HEATR3: variants seen among roughly 807,000 people sequenced by gnomAD.
HEATR3 encodes HEAT repeat-containing protein 3.
HEATR3 carries 56 observed loss-of-function variants against 72.8 expected under a neutral mutation model. The observed-to-expected ratio is 0.77, with a 90% CI of 0.62 to 0.96. The LOEUF is 0.96. Ranked by LOEUF, HEATR3 falls within the 40% of genes least tolerant of loss-of-function variation. The pLI, the probability that HEATR3 is intolerant of heterozygous loss-of-function variation, is 0.00. For missense variants in HEATR3, 747 were observed against 831.4 expected (o/e 0.90, Z 1.25); for synonymous variants, 331 against 318.1 (o/e 1.04, Z -0.43).
chr16:50,081,182 A>G (rs373733172), intron 7 of HEATR3, among the ~76,000 whole-genome samples: 9 of 152,172 alleles, frequency 5.9e-5, no homozygotes, highest in African/African-American at 2.2e-4. Context: ...GCTCACGCCT[A>G]TAATCCTAGC....
chr16:50,076,259 T>C (rs1458198104), intron 6 of HEATR3, among the ~76,000 whole-genome samples: 2 of 151,342 alleles, frequency 1.3e-5, no homozygotes, highest in African/African-American at 2.4e-5. Flanking sequence ...GTGCGGTGGC[T>C]GGCTCTGCAG....
chr16:50,104,254 G>A (rs1430946258), intron 14 of HEATR3, among the ~76,000 whole-genome samples: 1 of 152,104 alleles, frequency 6.6e-6, no homozygotes, highest in Admixed American at 6.6e-5. Context: ...TGTGGTGGCA[G>A]AGGCAGGAGG....
At chr16:50,086,377 T>C (rs769159840) in intron 11 of HEATR3, 26 bp downstream of exon 11, 1 of 1,590,864 alleles carries the variant, frequency 6.3e-7, no homozygotes, top group Admixed American at 1.8e-5. Flanking sequence ...TGCGAAAGAC[T>C]ACGCAGACGG....
In HEATR3 at chr16:50,106,859, T is replaced by C. The variant is rs1212460265; in HGVS notation, c.*1798T>C. Among the ~76,000 whole-genome samples, 1 of 152,194 alleles carries C rather than the reference T, an allele frequency of 6.6e-6. No homozygotes were observed. The highest frequency in any genetic ancestry group is 2.4e-5 in the African/African-American group (1 of 41,460). ...TAGACTGTTGGGAAACCAAGATTGT[T>C]TCCCAGCCCTAAGAGTTCCTAGCCC... On this transcript the variant is annotated 3_prime_UTR_variant, in exon 15 of 15. Transcript: ENST00000299192.
At position 50,100,307 on chromosome 16, in the gene HEATR3, C is replaced by G. The variant is rs761721978; in HGVS notation, c.1677C>G (p.Val559=). Residue 559 remains valine (V), a synonymous_variant, in exon 13 of 15, where the codon GTC becomes GTG. Transcript: ENST00000299192. ...HSSNVGVRVN[V]VSILGITGSV... ...GTAATGTCGGGGTTAGAGTGAATGT[C>G]GTTAGCATTTTAGGAATCACTGGCA... The G allele has an allele frequency of 1.2e-6, 2 of 1,613,938 alleles. No homozygotes were observed. Among genetic ancestry groups the G allele is most frequent in the South Asian group, 1.1e-5 (1 of 91,074 alleles).
intron 7 of HEATR3, 27 bp downstream of exon 7, chr16:50,079,045 T>C: frequency 1.3e-6 from 2 of 1,545,302 alleles, no homozygotes; most frequent in Non-Finnish European, 1.7e-6. Context: ...TTCTCAAATA[T>C]GGATTAATAC....
Position 50,072,622 on chromosome 16 carries a change from C to G in HEATR3, c.530C>G (p.Ala177Gly). ...LWNICECSSR[A>G]VSIFNKEGCL... ...CAATTTAGTGAATGCAGTAGTAGAGCAGTGTCTATATTCAACAAAGAAGGG... is the reference window on the plus strand; with the variant it reads ...CAATTTAGTGAATGCAGTAGTAGAGGAGTGTCTATATTCAACAAAGAAGGG... The change falls in exon 5 of 15, where the codon GCA becomes GGA. Residue 177 changes from alanine to glycine, a missense_variant. Coordinates refer to ENST00000299192, the MANE Select transcript of HEATR3 (RefSeq NM_182922.4). The G allele has an allele frequency of 6.2e-7, 1 of 1,606,266 alleles. No homozygotes were observed. Among genetic ancestry groups the G allele is most frequent in the Non-Finnish European group, 8.5e-7 (1 of 1,173,222 alleles).
At chr16:50,091,810 C>G (rs1162337250) in intron 11 of HEATR3, among the ~76,000 whole-genome samples, 1 of 144,296 alleles carries the variant, frequency 6.9e-6, no homozygotes, top group East Asian at 2.1e-4. Flanking sequence ...GGAGGCGGAG[C>G]TTGCAGTGAG....
At chr16:50,071,759 T>C (rs1435316695) in intron 4 of HEATR3, among the ~76,000 whole-genome samples, 2 of 152,226 alleles carry the variant, frequency 1.3e-5, no homozygotes, top group African/African-American at 4.8e-5. Context: ...TTTAATAATT[T>C]AGTCAGCTCT....
chr16:50,105,352 C>G lies in HEATR3; in HGVS notation c.*291C>G, dbSNP rs906361581. The G allele has an allele frequency of 3.3e-6, 1 of 305,814 alleles. No homozygotes were observed. The highest frequency in any genetic ancestry group is 2.3e-5 in the African/African-American group (1 of 43,458). The allele number at this position is 305,814 out of a possible 1,614,324, so 18.9% of individuals were successfully genotyped here. ...TGGCACATGCCTGTGATCCCAGCTA[C>G]TCGGGAGGCTGAGGGAGGAGAGTCG... On this transcript the variant is annotated 3_prime_UTR_variant, in exon 15 of 15. Transcript: ENST00000299192.
chr16:50,070,273 C>T lies in HEATR3; in HGVS notation c.495C>T (p.Asn165=), dbSNP rs755079610. 10 of 1,584,124 alleles carry T rather than the reference C, an allele frequency of 6.3e-6. No homozygotes were observed. In the East Asian group the frequency reaches 9.0e-5, roughly 14 times the overall value. The change falls in exon 4 of 15, where the codon AAC becomes AAT. Residue 165 remains asparagine, a synonymous_variant. Coordinates refer to ENST00000299192, the MANE Select transcript of HEATR3 (RefSeq NM_182922.4). The stretch of plus-strand genomic sequence containing the variant: ...AGAACATAGCCAATGAGACTGTGAA[C>T]GTGCTGTGGAATATATGGTAAGATG... ...SIENIANETV[N]VLWNICECSS... is the part of the protein sequence containing the mutation.
intron 4 of HEATR3, among the ~76,000 whole-genome samples, chr16:50,071,496 T>G (rs960480835): frequency 6.6e-5 from 10 of 152,250 alleles, no homozygotes; most frequent in Non-Finnish European, 1.2e-4. Flanking sequence ...TTAAAAAATT[T>G]CCTTGAAAAG....
intron 10 of HEATR3, 86 bp from the exon 11 acceptor site, chr16:50,086,129 A>G: frequency 4.0e-6 from 5 of 1,246,234 alleles, no homozygotes; most frequent in Non-Finnish European, 5.5e-6. Context: ...TCCAGTCAGA[A>G]CGTGAAGCTT....
In HEATR3 at chr16:50,086,325, T is replaced by C; in HGVS notation, c.1484T>C (p.Leu495Pro). ...AAALQTLAQH[L>P]SQLLFSQPDF... is the part of the protein sequence containing the mutation. The stretch of plus-strand genomic sequence containing the variant: ...GCCCTTCAGACGCTTGCACAGCATC[T>C]GTCACAGCTGCTTTTTTCTCAACCA... Residue 495 changes from leucine to proline, a missense_variant, in exon 11 of 15, where the codon CTG becomes CCG. Around this residue, in one of 2 missense-constraint regions of HEATR3, gnomAD observed 586 missense variants for 708.8 expected, o/e 0.83. Transcript: ENST00000299192. 1 of 1,600,346 alleles carries C rather than the reference T, an allele frequency of 6.2e-7. No individual in the cohort carries two copies. Among genetic ancestry groups the C allele is most frequent in the Non-Finnish European group, 8.5e-7 (1 of 1,173,266 alleles).
In HEATR3 at chr16:50,070,253, A is replaced by C; in HGVS notation, c.475A>C (p.Ile159Leu). Reference sequence around the variant, plus strand: ...TCAGAACAGAAATTCTATTGAGAACATAGCCAATGAGACTGTGAACGTGCT... The same window carrying C: ...TCAGAACAGAAATTCTATTGAGAACCTAGCCAATGAGACTGTGAACGTGCT... ...KDQNRNSIEN[I>L]ANETVNVLWN... Residue 159 changes from isoleucine to leucine, a missense_variant, in exon 4 of 15, where the codon ATA becomes CTA. By Grantham distance (5) the Ile-to-Leu change is conservative. This residue lies in a region of HEATR3 where 586 missense variants were observed against 708.8 expected (regional missense o/e 0.83). Transcript: ENST00000299192. The C allele has an allele frequency of 6.2e-7, 1 of 1,606,924 alleles. No homozygotes were observed. Among genetic ancestry groups the C allele is most frequent in the Non-Finnish European group, 8.5e-7 (1 of 1,174,424 alleles).
In HEATR3 at chr16:50,066,102, C is replaced by T. The variant is rs1236591558; in HGVS notation, c.-30C>T. ...ACCGCCTGCTGTTGCCCTCCTCTCT[C>T]GGTGGTCTGTCCGCCCAGCGCACGT... On this transcript the variant is annotated 5_prime_UTR_variant, in exon 1 of 15. Transcript: ENST00000299192. The T allele has an allele frequency of 8.3e-6, 13 of 1,566,788 alleles. No homozygotes were observed. Among genetic ancestry groups the T allele is most frequent in the Admixed American group, 5.6e-5 (3 of 53,450 alleles).
chr16:50,092,708 C>T (rs2037146967), intron 11 of HEATR3, among the ~76,000 whole-genome samples: 1 of 151,678 alleles, frequency 6.6e-6, no homozygotes, highest in Non-Finnish European at 1.5e-5. Context: ...TCCCAAAGTG[C>T]TGGGATTACA....
chr16:50,092,603 A>ATT (rs907997732), intron 11 of HEATR3, among the ~76,000 whole-genome samples: 1 of 143,728 alleles, frequency 7.0e-6, no homozygotes, highest in African/African-American at 2.5e-5. Flanking sequence ...CGCCTGGCTA[A>ATT]TTTTTTTTTT....
intron 12 of HEATR3, among the ~76,000 whole-genome samples, chr16:50,095,038 A>G (rs2037202633): frequency 6.6e-6 from 1 of 152,166 alleles, no homozygotes; most frequent in South Asian, 2.1e-4. Context: ...TTACTAGCAA[A>G]ACAAGTGCTT....
Sources: allele counts gnomAD v4.1 joint callset (sites outside exome capture counted in the v4.1 genomes callset), GRCh38; gene constraint gnomAD v4.1.1; regional missense constraint gnomAD v4.1.1; transcripts MANE v1.5; gene names NCBI Gene and HGNC (gene_info 2026-07-23, HGNC 2026-07-21).